Variants in NDRG4 observed in about 807,000 individuals in gnomAD.
NDRG4 encodes the protein NDRG family member 4.
Under a neutral mutation model 55.8 loss-of-function variants are expected in NDRG4, and 38 were observed. That is an observed-to-expected ratio of 0.68 (90% CI 0.53 to 0.89). The LOEUF is 0.89. Among genes scored for constraint, NDRG4 ranks in the 40% least tolerant of loss-of-function variants. The probability of loss-of-function intolerance (pLI) is 0.00; values close to 1 mark genes in which losing one functional copy is unlikely to be tolerated. For synonymous variants in NDRG4, 190 were observed against 182.7 expected, an observed-to-expected ratio of 1.04 and a Z score of -0.32; for missense variants, 455 against 468.6, an observed-to-expected ratio of 0.97 and a Z score of 0.27.
intron 1 of NDRG4, 90 bp downstream of exon 1, chr16:58,500,359 C>G (rs1178847294): frequency 2.0e-6 from 3 of 1,476,884 alleles, no homozygotes; most frequent in Non-Finnish European, 2.7e-6. Context: ...CCCCTCAACC[C>G]ACATCTGGTG....
In NDRG4 at chr16:58,464,681, C is replaced by T. The variant is rs1597004656; in HGVS notation, c.-24+884C>T. 2 of 1,112,598 alleles carry T rather than the reference C, an allele frequency of 1.8e-6. No individual in the cohort carries two copies. Among genetic ancestry groups the T allele is most frequent in the Admixed American group, 3.8e-5 (1 of 26,106 alleles). 68.9% of individuals were successfully genotyped at this position (1,112,598 alleles called of 1,614,324 possible). A position where few individuals can be genotyped will look rare whatever the true frequency, so the allele number is the denominator to read the frequency against. ...GTCCCTGGCGCTGGCGTCCGGGCTG[C>T]GGGAGCACCGGTCAGGGGGTGGCCC... is the stretch of plus-strand genomic sequence containing the variant. On this transcript the variant is annotated intron_variant, in intron 1 of 15. Transcript: ENST00000258187. This position sits in a 1 kb window ranked among gnomAD's most constrained non-coding sequence, Gnocchi z 4.8.
intron 2 of NDRG4, among the ~76,000 whole-genome samples, chr16:58,490,072 G>A (rs2035596998): frequency 2.0e-5 from 3 of 152,168 alleles, no homozygotes; most frequent in Admixed American, 2.0e-4. Context: ...GAACTTCTGG[G>A]TGCAAGTGAT....
intron 11 of NDRG4, 30 bp downstream of exon 11, chr16:58,509,039 G>C: frequency 6.2e-7 from 1 of 1,614,100 alleles, no homozygotes; most frequent in South Asian, 1.1e-5. Context: ...CCCTGGGCCA[G>C]CTTCCCTAGC....
At chr16:58,493,196 T>C (rs1055047102) in intron 2 of NDRG4, among the ~76,000 whole-genome samples, 3 of 152,254 alleles carry the variant, frequency 2.0e-5, no homozygotes, top group African/African-American at 7.2e-5. Context: ...CTTACCTAGC[T>C]GACTGCTTCC....
At chr16:58,486,066 A>G (rs937718125) in intron 1 of NDRG4, among the ~76,000 whole-genome samples, 1 of 152,232 alleles carries the variant, frequency 6.6e-6, no homozygotes, top group African/African-American at 2.4e-5. Context: ...GTCCATTTAT[A>G]TACTTACAAG....
Position 58,500,177 on chromosome 16 carries a change from G to A in NDRG4, c.-72G>A, listed in dbSNP as rs903538787. 15 of 1,535,702 alleles carry A rather than the reference G, an allele frequency of 9.8e-6. No individual in the cohort carries two copies. The highest frequency in any genetic ancestry group is 2.7e-5 in the African/African-American group (2 of 73,036). ...ACCATCTCCCACTCGAGCTGCCCCC[G>A]CCCTCTGGACCCGAGTGACTCAGGC... On this transcript the variant is annotated 5_prime_UTR_variant, in exon 1 of 15. Coordinates refer to ENST00000570248, the MANE Select transcript of NDRG4 (RefSeq NM_001242835.2).
At chr16:58,504,506 G>C in intron 4 of NDRG4, 83 bp from the exon 5 acceptor site, 1 of 1,612,044 alleles carries the variant, frequency 6.2e-7, no homozygotes, top group Non-Finnish European at 8.5e-7. Flanking sequence ...GAGGGCTTCA[G>C]GCTATGGGCA....
chr16:58,503,403 C>T (rs1284177666), intron 1 of NDRG4, among the ~76,000 whole-genome samples: 1 of 152,170 alleles, frequency 6.6e-6, no homozygotes, highest in Admixed American at 6.5e-5. Flanking sequence ...TCCCCTGCAG[C>T]AGCAGGAAGT....
At chr16:58,482,379 G>C (rs528608676) in intron 1 of NDRG4, among the ~76,000 whole-genome samples, 1 of 152,192 alleles carries the variant, frequency 6.6e-6, no homozygotes, top group East Asian at 1.9e-4. Context: ...TGTTTCCTCT[G>C]TCTGGCTTCT....
upstream of NDRG4, among the ~76,000 whole-genome samples, chr16:58,497,318 T>A (rs910185503): frequency 6.6e-6 from 1 of 151,244 alleles, no homozygotes; most frequent in South Asian, 2.1e-4. Context: ...CAAGACCATG[T>A]CTCCAAAAAA....
intron 1 of NDRG4, among the ~76,000 whole-genome samples, chr16:58,482,683 C>CCCTCCCTTCCTT (rs1567580627): frequency 2.2e-5 from 3 of 139,404 alleles, no homozygotes; most frequent in African/African-American, 2.7e-5. Flanking sequence ...CTTCCTTCCT[C>CCCTCCCTTCCTT]CCTCCCTTCC....
downstream of NDRG4, among the ~76,000 whole-genome samples, chr16:58,514,584 C>T (rs1184160562): frequency 6.6e-6 from 1 of 151,826 alleles, no homozygotes; most frequent in East Asian, 1.9e-4. Context: ...TAAAAATAAA[C>T]ACAAAAAATT....
chr16:58,475,545 G>A (rs1232050875), intron 1 of NDRG4: 2 of 452,052 alleles, frequency 4.4e-6, no homozygotes, highest in Non-Finnish European at 4.4e-6. Context: ...AGCTTCAGCT[G>A]TGTGTAACAG....
At chr16:58,507,104 C>T (rs557345674) in intron 8 of NDRG4, 89 bp downstream of exon 8, 8 of 1,021,682 alleles carry the variant, frequency 7.8e-6, no homozygotes, top group East Asian at 5.2e-5. Context: ...GCAGACAACA[C>T]CCTTGCCCTG....
At position 58,512,176 on chromosome 16, in the gene NDRG4, C is replaced by T; in HGVS notation, c.*600C>T. ...GCAGGGGCGTCAAGGGGTTTCTCTGCCCAAGGAAGACAGAACATGGAGAAC... is the reference window on the plus strand; with the variant it reads ...GCAGGGGCGTCAAGGGGTTTCTCTGTCCAAGGAAGACAGAACATGGAGAAC... On this transcript the variant is annotated 3_prime_UTR_variant, in exon 15 of 15. Transcript: ENST00000570248. The T allele has an allele frequency of 2.2e-6, 1 of 448,872 alleles. No homozygotes were observed. Among genetic ancestry groups the T allele is most frequent in the South Asian group, 1.6e-5 (1 of 62,946 alleles). The allele number at this position is 448,872 out of a possible 1,614,324, so 27.8% of individuals were successfully genotyped here. A position where few individuals can be genotyped will look rare whatever the true frequency, so the allele number is the denominator to read the frequency against.
chr16:58,491,201 G>A (rs866188686), intron 2 of NDRG4, among the ~76,000 whole-genome samples: 10 of 151,802 alleles, frequency 6.6e-5, no homozygotes, highest in African/African-American at 1.2e-4. Context: ...ACTTCAACCC[G>A]GGAGGTGGAG....
chr16:58,470,778 G>A lies in NDRG4; in HGVS notation c.-24+6981G>A, dbSNP rs190990721. ...AAAAATTAGCCAGGCATGTTGGTGC[G>A]TGCCTGTAATCCCAGCTATGAAGGG... On this transcript the variant is annotated intron_variant, in intron 1 of 15. Coordinates refer to the NDRG4 transcript ENST00000258187. 1.4e-4 allele frequency among the ~76,000 whole-genome samples: 21 copies of A among 152,108 alleles called. No individual in the cohort carries two copies. The East Asian group carries it at 4.1e-3, about 29-fold the overall frequency.
upstream of NDRG4, among the ~76,000 whole-genome samples, chr16:58,495,856 G>A (rs1381990668): frequency 6.6e-6 from 1 of 152,220 alleles, no homozygotes; most frequent in Non-Finnish European, 1.5e-5. Context: ...AAAGGGCTCT[G>A]GAGCTGGAAG....
At chr16:58,514,891 C>T (rs2039068348), downstream of NDRG4, among the ~76,000 whole-genome samples, 1 of 152,042 alleles carries the variant, frequency 6.6e-6, no homozygotes, top group Non-Finnish European at 1.5e-5. Flanking sequence ...CCAGGTTTAA[C>T]CACCATTTGT....
Sources: gnomAD v4.1 joint callset for allele counts (sites outside exome capture counted in the v4.1 genomes callset) on GRCh38, gnomAD v4.1.1 for gene constraint, Gnocchi (gnomAD v3.1) non-coding constraint, MANE v1.5 for transcripts, NCBI Gene and HGNC (gene_info 2026-07-23, HGNC 2026-07-21) for gene names.